ADK: variants seen among roughly 807,000 people sequenced by gnomAD.
The protein encoded by ADK is adenosine kinase, also known as N6,N6-dimethyladenosine kinase.
In ADK, 24 loss-of-function variants were observed where a neutral mutation model predicts 44.7. The ratio of observed to expected loss-of-function variants is 0.54; its 90% CI spans 0.39 to 0.76. The LOEUF (loss-of-function observed/expected upper bound fraction) is 0.76, where lower values mean the gene tolerates loss of function less well. ADK is among the 30% of genes least tolerant of loss of function. The pLI is 0.00. For missense variants in ADK, 321 were observed against 425.1 expected (o/e 0.76, Z 2.15); for synonymous variants, 128 against 142.6 (o/e 0.90, Z 0.73).
chr10:74,181,068 T>A (rs1473122501), intron 1 of ADK, among the ~76,000 whole-genome samples: 2 of 152,140 alleles, frequency 1.3e-5, no homozygotes, highest in Non-Finnish European at 2.9e-5. Flanking sequence ...GGAAACAAAT[T>A]TACCTATCTA....
chr10:74,205,260 C>T (rs891444024), intron 2 of ADK, among the ~76,000 whole-genome samples: 4 of 151,902 alleles, frequency 2.6e-5, no homozygotes, highest in Non-Finnish European at 5.9e-5. Context: ...AATTGTTTTC[C>T]CAACTTTGAA....
At chr10:74,563,199 A>G (rs1850525272) in intron 7 of ADK, among the ~76,000 whole-genome samples, 1 of 152,206 alleles carries the variant, frequency 6.6e-6, no homozygotes, top group African/African-American at 2.4e-5. Context: ...AGTAGCTGGG[A>G]CTATAGGCTT....
intron 7 of ADK, among the ~76,000 whole-genome samples, chr10:74,574,857 A>G (rs1305257892): frequency 6.6e-6 from 1 of 152,226 alleles, no homozygotes; most frequent in Non-Finnish European, 1.5e-5. Flanking sequence ...TTTGTAAGCA[A>G]AGATTCTACT....
intron 3 of ADK, among the ~76,000 whole-genome samples, chr10:74,247,224 G>GTTTTTTTTTTTTTTTTTTTTTTTTTT (rs142274121): frequency 2.8e-5 from 2 of 72,002 alleles, no homozygotes; most frequent in Admixed American, 2.3e-4. Flanking sequence ...TTTTTTTTAA[G>GTTTTTTTTTTTTTTTTTTTTTTTTTT]TTTTTTTTTT....
In ADK at chr10:74,564,742, C is replaced by G. The variant is rs189935148; in HGVS notation, c.727-24540C>G. 1.0e-3 allele frequency among the ~76,000 whole-genome samples: 153 copies of G among 152,022 alleles called. 1 individual carries two copies. Among genetic ancestry groups the G allele is most frequent in the African/African-American group, 3.4e-3 (141 of 41,428 alleles). On this transcript the variant is annotated intron_variant, in intron 7 of 10. Coordinates refer to ENST00000539909, the MANE Select transcript of ADK (RefSeq NM_006721.4). ...CTTATTTTTCTTAAATGAAATAATC[C>G]AATTTTAAATCCCTTTCCTGGAGAA...
At chr10:74,333,739 T>G (rs1162244319) in intron 4 of ADK, among the ~76,000 whole-genome samples, 1 of 152,178 alleles carries the variant, frequency 6.6e-6, no homozygotes, top group Non-Finnish European at 1.5e-5. Context: ...GATTTCAAAA[T>G]TATAAGTCCT....
chr10:74,217,015 G>A (rs1195194967), intron 2 of ADK, among the ~76,000 whole-genome samples: 1 of 152,230 alleles, frequency 6.6e-6, no homozygotes, highest in South Asian at 2.1e-4. Flanking sequence ...CAGACAGTGG[G>A]CGCAGGTCAG....
In ADK at chr10:74,594,831, G is replaced by C. The variant is rs370131446; in HGVS notation, c.762+5514G>C. Among the ~76,000 whole-genome samples the C allele has an allele frequency of 2.3e-4, 35 of 152,196 alleles. 1 individual carries two copies. Among genetic ancestry groups the C allele is most frequent in the Middle Eastern group, 6.8e-3 (2 of 294 alleles). On this transcript the variant is annotated intron_variant, in intron 8 of 10. Transcript: ENST00000539909. ...ATACATTCATACTTGCACAAACCTTGAGAGATAGGTAGGGCATGTATTGCC... is the reference window on the plus strand; with the variant it reads ...ATACATTCATACTTGCACAAACCTTCAGAGATAGGTAGGGCATGTATTGCC...
At chr10:74,177,382 G>A (rs1842382441) in intron 1 of ADK, among the ~76,000 whole-genome samples, 1 of 152,146 alleles carries the variant, frequency 6.6e-6, no homozygotes, top group South Asian at 2.1e-4. Flanking sequence ...GCTCATGACT[G>A]GAATTAGGAC....
chr10:74,248,462 G>A (rs192207000), intron 3 of ADK, among the ~76,000 whole-genome samples: 4 of 152,154 alleles, frequency 2.6e-5, no homozygotes, highest in Non-Finnish European at 4.4e-5. Flanking sequence ...GGGTTCAAGC[G>A]ATTCTCATGC....
At chr10:74,183,955 C>CA (rs1395407024) in intron 1 of ADK, among the ~76,000 whole-genome samples, 1 of 150,964 alleles carries the variant, frequency 6.6e-6, no homozygotes, top group Admixed American at 6.6e-5. Flanking sequence ...CTCGCTCTGT[C>CA]ACCCAGGCTG....
intron 2 of ADK, among the ~76,000 whole-genome samples, chr10:74,210,877 A>G (rs997394715): frequency 6.6e-6 from 1 of 152,086 alleles, no homozygotes; most frequent in Non-Finnish European, 1.5e-5. Flanking sequence ...CTGCTCTGAC[A>G]CTTTTGTAGT....
chr10:74,532,868 C>T (rs1044858278), intron 7 of ADK, among the ~76,000 whole-genome samples: 6 of 132,998 alleles, frequency 4.5e-5, no homozygotes, highest in African/African-American at 2.8e-5. Context: ...TGCGATGAGC[C>T]GAGATCATGC....
intron 9 of ADK, among the ~76,000 whole-genome samples, chr10:74,615,021 A>G (rs1852698313): frequency 6.6e-6 from 1 of 152,216 alleles, no homozygotes; most frequent in Non-Finnish European, 1.5e-5. Flanking sequence ...GGCTCATTCT[A>G]GCCTTCATTC....
intron 9 of ADK, among the ~76,000 whole-genome samples, chr10:74,665,433 A>T (rs1348907861): frequency 6.6e-6 from 1 of 152,002 alleles, no homozygotes; most frequent in African/African-American, 2.4e-5. Context: ...TAGTGACTGA[A>T]TTTTACCTTG....
At chr10:74,207,774 T>A (rs940170253) in intron 2 of ADK, among the ~76,000 whole-genome samples, 4 of 152,168 alleles carry the variant, frequency 2.6e-5, no homozygotes, top group African/African-American at 7.2e-5. Context: ...CACCTGGAAC[T>A]GATAGCCTGG....
At chr10:74,258,947 G>GTTTTTTTTTTTTTTTTTTT in intron 3 of ADK, among the ~76,000 whole-genome samples, 1 of 96,120 alleles carries the variant, frequency 1.0e-5, no homozygotes, top group Non-Finnish European at 2.1e-5. Context: ...TTGTTTTTGT[G>GTTTTTTTTTTTTTTTTTTT]TTTTTTTTTT....
chr10:74,153,899 G>C (rs142469701), intron 1 of ADK, among the ~76,000 whole-genome samples: 7 of 152,242 alleles, frequency 4.6e-5, no homozygotes, highest in Non-Finnish European at 7.4e-5. Flanking sequence ...CCTTCAGTTT[G>C]TCTTTCAAGT....
chr10:74,510,195 T>C (rs1158482478), intron 6 of ADK, among the ~76,000 whole-genome samples: 1 of 152,162 alleles, frequency 6.6e-6, no homozygotes, highest in Non-Finnish European at 1.5e-5. Context: ...AACAATGTAT[T>C]AAGAGTTCCC....
Sources: gnomAD v4.1 joint callset for allele counts (sites outside exome capture counted in the v4.1 genomes callset) on GRCh38, gnomAD v4.1.1 for gene constraint, MANE v1.5 for transcripts, NCBI Gene and HGNC (gene_info 2026-07-23, HGNC 2026-07-21) for gene names.